Variants in OTUD7A observed in about 807,000 individuals in gnomAD.
The protein encoded by OTUD7A is OTU domain-containing protein 7A.
A neutral mutation model predicts 65.7 loss-of-function variants in OTUD7A; 12 were observed. The ratio of observed to expected loss-of-function variants is 0.18; its 90% CI spans 0.12 to 0.30. The LOEUF (loss-of-function observed/expected upper bound fraction) is 0.30, where lower values mean the gene tolerates loss of function less well. Ranked by LOEUF, OTUD7A falls within the 10% of genes least tolerant of loss-of-function variation. The pLI is 1.00. For missense variants in OTUD7A, 1,148 were observed against 1,304.8 expected (o/e 0.88, Z 1.85); for synonymous variants, 641 against 586.3 (o/e 1.09, Z -1.35).
chr15:31,731,114 A>G (rs985832444), intron 1 of OTUD7A, among the ~76,000 whole-genome samples: 3 of 152,204 alleles, frequency 2.0e-5, no homozygotes, highest in Admixed American at 2.0e-4. Flanking sequence ...CTGTTTTGTT[A>G]TAACTGTTTG....
intron 1 of OTUD7A, among the ~76,000 whole-genome samples, chr15:31,663,246 AACACACACACACACACACACAC>A (rs531313199): frequency 7.1e-6 from 1 of 140,568 alleles, no homozygotes; most frequent in East Asian, 2.1e-4. Flanking sequence ...TCTTGGGCTA[AACACACACACACACACACACAC>A]ACACACACAC....
chr15:31,749,305 CAA>C (rs1255964747), intron 1 of OTUD7A, among the ~76,000 whole-genome samples: 1 of 152,094 alleles, frequency 6.6e-6, no homozygotes, highest in South Asian at 2.1e-4. Flanking sequence ...AAACAAAAAA[CAA>C]ATTTTGGTGA....
intron 1 of OTUD7A, among the ~76,000 whole-genome samples, chr15:31,671,990 G>A (rs1239054911): frequency 6.6e-6 from 1 of 152,030 alleles, no homozygotes; most frequent in African/African-American, 2.4e-5. Context: ...TTAATGCTTA[G>A]CTCCCACTTT....
At chr15:31,679,896 TAAG>T (rs982704533) in intron 1 of OTUD7A, among the ~76,000 whole-genome samples, 2 of 152,064 alleles carry the variant, frequency 1.3e-5, no homozygotes, top group Non-Finnish European at 2.9e-5. Flanking sequence ...CATAACAGAA[TAAG>T]AAGTTCTGGA....
chr15:31,541,466 C>A (rs1023310672), intron 5 of OTUD7A, among the ~76,000 whole-genome samples: 4 of 152,124 alleles, frequency 2.6e-5, no homozygotes. Flanking sequence ...GCGTGTAGCA[C>A]TGCAGATAAA....
chr15:31,582,615 C>T (rs1323253804), intron 3 of OTUD7A, among the ~76,000 whole-genome samples: 1 of 151,214 alleles, frequency 6.6e-6, no homozygotes, highest in African/African-American at 2.4e-5. Flanking sequence ...GGGGAACTCT[C>T]ATTTATATAA....
chr15:31,793,551 C>T (rs564354734), intron 1 of OTUD7A, among the ~76,000 whole-genome samples: 153 of 152,326 alleles, frequency 1.0e-3, no homozygotes, highest in African/African-American at 3.6e-3. Context: ...GTTTCCTTCT[C>T]ATTCTCCGTC....
At chr15:31,513,680 G>T (rs1414315767) in intron 8 of OTUD7A, among the ~76,000 whole-genome samples, 1 of 152,218 alleles carries the variant, frequency 6.6e-6, no homozygotes, top group Non-Finnish European at 1.5e-5. Flanking sequence ...TTATCAGGTT[G>T]TGTGAACTGC....
intron 1 of OTUD7A, among the ~76,000 whole-genome samples, chr15:31,715,107 C>G (rs1441739405): frequency 6.6e-6 from 1 of 151,850 alleles, no homozygotes; most frequent in African/African-American, 2.4e-5. Context: ...GCACTCCAGA[C>G]TGGGCAACAG....
intron 1 of OTUD7A, among the ~76,000 whole-genome samples, chr15:31,783,785 T>C (rs1180825766): frequency 6.6e-6 from 1 of 152,150 alleles, no homozygotes; most frequent in Non-Finnish European, 1.5e-5. Context: ...ACTTGCAGGG[T>C]TTGAAAGAAT....
At chr15:31,681,485 G>A (rs1011948231) in intron 1 of OTUD7A, among the ~76,000 whole-genome samples, 1 of 149,144 alleles carries the variant, frequency 6.7e-6, no homozygotes, top group Non-Finnish European at 1.5e-5. Flanking sequence ...GTTTTTCCTT[G>A]TCTGTATGTC....
intron 1 of OTUD7A, among the ~76,000 whole-genome samples, chr15:31,867,504 G>C (rs1252280350): frequency 2.0e-5 from 3 of 152,170 alleles, no homozygotes; most frequent in African/African-American, 7.2e-5. Context: ...TCAGTGCAAG[G>C]GGTCAAATAG....
chr15:31,496,204 T>C (rs1213972548), intron 10 of OTUD7A, among the ~76,000 whole-genome samples: 3 of 152,048 alleles, frequency 2.0e-5, no homozygotes, highest in Middle Eastern at 3.4e-3. Flanking sequence ...ATAGACCAAT[T>C]TGATTGGTAT....
intron 5 of OTUD7A, among the ~76,000 whole-genome samples, chr15:31,532,997 T>C (rs1237580258): frequency 6.7e-6 from 1 of 148,458 alleles, no homozygotes. Context: ...AGGTTCCCAA[T>C]TTTTGCAAAT....
At chr15:31,776,412 G>A (rs1895381512) in intron 1 of OTUD7A, among the ~76,000 whole-genome samples, 1 of 152,148 alleles carries the variant, frequency 6.6e-6, no homozygotes, top group African/African-American at 2.4e-5. Context: ...TGGGGAGAGT[G>A]GGAGCAAGGC....
At position 31,483,640 on chromosome 15, in the gene OTUD7A, G is replaced by A. The variant is rs2041174874; in HGVS notation, c.2456C>T (p.Ala819Val). The change falls in exon 13 of 13, where the codon GCG becomes GTG. Residue 819 changes from alanine (A) to valine (V), a missense_variant. This residue lies in a region of OTUD7A where 842 missense variants were observed against 769.5 expected (regional missense o/e 1.09). Transcript: ENST00000307050. ...RSLSSQSYSPARAAALRTVNT... is the reference protein window; with the variant it reads ...RSLSSQSYSPVRAAALRTVNT... The stretch of plus-strand genomic sequence containing the variant: ...GACGGTGCGCAGGGCGGCGGCGCGC[G>A]CCGGGCTGTAGCTCTGCGACGACAG... 2 of 1,178,078 alleles carry A rather than the reference G, an allele frequency of 1.7e-6. No individual in the cohort carries two copies. The highest frequency in any genetic ancestry group is 2.1e-6 in the Non-Finnish European group (2 of 956,268). 73.0% of individuals were successfully genotyped at this position (1,178,078 alleles called of 1,614,324 possible). A position where few individuals can be genotyped will look rare whatever the true frequency, so the allele number is the denominator to read the frequency against.
At chr15:31,734,225 A>G (rs1383769515) in intron 1 of OTUD7A, among the ~76,000 whole-genome samples, 1 of 152,214 alleles carries the variant, frequency 6.6e-6, no homozygotes, top group Non-Finnish European at 1.5e-5. Context: ...ACAAGGAAAA[A>G]TACAAAACAC....
chr15:31,845,497 C>T (rs8040750), intron 1 of OTUD7A, among the ~76,000 whole-genome samples: 144,896 of 152,272 alleles, frequency 0.95, 69,337 homozygotes, highest in East Asian at 1. Context: ...GCTGGCCTCA[C>T]GCCGGCTCCA....
chr15:31,801,053 CA>C (rs772401103), intron 1 of OTUD7A, among the ~76,000 whole-genome samples: 15,515 of 91,292 alleles, frequency 0.17, 1,074 homozygotes, highest in East Asian at 0.48. Context: ...CCAGCAGCCT[CA>C]AAAAAAAAAA....
Sources: allele counts gnomAD v4.1 joint callset (sites outside exome capture counted in the v4.1 genomes callset), GRCh38; gene constraint gnomAD v4.1.1; regional missense constraint gnomAD v4.1.1; transcripts MANE v1.5; gene names NCBI Gene and HGNC (gene_info 2026-07-23, HGNC 2026-07-21).